FBXO11: variants seen among roughly 807,000 people sequenced by gnomAD.
FBXO11 encodes F-box only protein 11.
A neutral mutation model predicts 117.0 loss-of-function variants in FBXO11; 13 were observed. That is an observed-to-expected ratio of 0.11 (90% CI 0.07 to 0.18). The LOEUF (loss-of-function observed/expected upper bound fraction) is 0.18, where lower values mean the gene tolerates loss of function less well. FBXO11 is among the 10% of genes least tolerant of loss of function. The pLI is 1.00. For synonymous variants in FBXO11, 490 were observed against 380.5 expected, an observed-to-expected ratio of 1.29 and a Z score of -3.35; for missense variants, 767 against 1,164.4, an observed-to-expected ratio of 0.66 and a Z score of 4.97.
chr2:47,888,681 T>C, intron 1 of FBXO11: 1 of 983,978 alleles, frequency 1.0e-6, no homozygotes, highest in Non-Finnish European at 1.2e-6. Context: ...AGACAGTTTT[T>C]CAGCCATTGC....
chr2:47,857,079 C>T (rs889990633), intron 1 of FBXO11, among the ~76,000 whole-genome samples: 1 of 152,308 alleles, frequency 6.6e-6, no homozygotes, highest in Admixed American at 6.5e-5. Flanking sequence ...AACTCATCTA[C>T]TTTAGTCAAA....
chr2:47,848,113 G>C (rs1673561120), intron 1 of FBXO11, among the ~76,000 whole-genome samples: 1 of 151,096 alleles, frequency 6.6e-6, no homozygotes, highest in South Asian at 2.1e-4. Flanking sequence ...GACAGAGCGA[G>C]ACCCCATCTC....
chr2:47,851,989 A>ATTT (rs1191001581), intron 1 of FBXO11, among the ~76,000 whole-genome samples: 7,926 of 132,740 alleles, frequency 0.06, 337 homozygotes, highest in Non-Finnish European at 0.096. Flanking sequence ...CAAGCAACCA[A>ATTT]TTTTTTTTTT....
chr2:47,813,944 G>A (rs760953955), intron 16 of FBXO11, 77 bp from the exon 17 acceptor site: 7 of 1,094,918 alleles, frequency 6.4e-6, no homozygotes, highest in Non-Finnish European at 9.7e-6. Flanking sequence ...GGTAAACAGT[G>A]GAGAAATCCA....
intron 3 of FBXO11, 60 bp from the exon 4 acceptor site, chr2:47,839,063 AAC>A (rs939605148): frequency 2.1e-5 from 32 of 1,521,350 alleles, no homozygotes; most frequent in African/African-American, 1.5e-4. Context: ...TTATTTAAAG[AAC>A]ACAGTTTTCA....
chr2:47,818,975 C>T lies in FBXO11; in HGVS notation c.1901G>A (p.Arg634Gln). The change falls in exon 15 of 23, where the codon CGG (arginine) becomes CAG (glutamine). Residue 634 changes from arginine to glutamine, a missense_variant. Transcript: ENST00000403359. ...TCCTACCTGCTTGCCACTGTGTATC[C>T]GGTTTCTTCTCAGTACTGGAGTGCT... Reference protein sequence around the residue: ...TGSTPVLRRNRIHSGKQVGVY... With the variant: ...TGSTPVLRRNQIHSGKQVGVY... 6.2e-7 allele frequency: 1 copy of T among 1,613,936 alleles called. No individual in the cohort carries two copies. Among genetic ancestry groups the T allele is most frequent in the Non-Finnish European group, 8.5e-7 (1 of 1,180,000 alleles).
intron 11 of FBXO11, among the ~76,000 whole-genome samples, chr2:47,830,756 G>C (rs1672119297): frequency 6.6e-6 from 1 of 152,150 alleles, no homozygotes; most frequent in South Asian, 2.1e-4. Context: ...TTACTATGGT[G>C]AACTTTAATA....
At chr2:47,866,498 G>T (rs1209099380) in intron 1 of FBXO11, among the ~76,000 whole-genome samples, 2 of 149,730 alleles carry the variant, frequency 1.3e-5, no homozygotes, top group African/African-American at 2.5e-5. Context: ...CTTTTGAGAC[G>T]GAGTCTTGCT....
chr2:47,822,575 A>T lies in FBXO11; in HGVS notation c.1617-272T>A, dbSNP rs564096155. On this transcript the variant is annotated intron_variant, in intron 12 of 22. Transcript: ENST00000403359. ...TAGAAACATTTGATGACTATTAACAAGATGGAAATCCCAAAATCTACTTCC... is the reference window on the plus strand; with the variant it reads ...TAGAAACATTTGATGACTATTAACATGATGGAAATCCCAAAATCTACTTCC... Among the ~76,000 whole-genome samples, 6 of 152,374 alleles carry T rather than the reference A, an allele frequency of 3.9e-5. No individual in the cohort carries two copies. In the South Asian group the frequency reaches 8.3e-4, roughly 21 times the overall value.
chr2:47,838,731 A>AT, intron 4 of FBXO11, 128 bp downstream of exon 4: 1 of 751,064 alleles, frequency 1.3e-6, no homozygotes, highest in Non-Finnish European at 2.1e-6. Flanking sequence ...CTTGGAATTG[A>AT]TAAGCATTTT....
chr2:47,814,004 TGAG>T lies in FBXO11; in HGVS notation c.2007-140_2007-138del, dbSNP rs940351931. 105 of 636,608 alleles carry T rather than the reference TGAG, an allele frequency of 1.6e-4. No individual in the cohort carries two copies. The Admixed American group carries it at 2.0e-3, about 12-fold the overall frequency. 39.4% of individuals were successfully genotyped at this position (636,608 alleles called of 1,614,324 possible). ...CTATACAATGGAGTCCAAGATGCCC[TGAG>T]AAGAAAGTGGTTTAATTTTGCTTAA... On this transcript the variant is annotated intron_variant, in intron 16 of 22. Transcript: ENST00000403359.
chr2:47,849,149 T>C (rs60118201), intron 1 of FBXO11, among the ~76,000 whole-genome samples: 8,725 of 144,126 alleles, frequency 0.061, 270 homozygotes, highest in Non-Finnish European at 0.072. Flanking sequence ...AGCTTTTCTC[T>C]AACTGCTAAA....
At chr2:47,893,375 T>C (rs866865732) in intron 1 of FBXO11, among the ~76,000 whole-genome samples, 1 of 152,010 alleles carries the variant, frequency 6.6e-6, no homozygotes, top group Non-Finnish European at 1.5e-5. Flanking sequence ...TATACACACA[T>C]ACTGGAGATA....
intron 1 of FBXO11, among the ~76,000 whole-genome samples, chr2:47,853,402 C>T (rs1003655462): frequency 2.6e-5 from 4 of 152,254 alleles, no homozygotes; most frequent in Middle Eastern, 3.4e-3. Flanking sequence ...AATACTTTTA[C>T]ATGTCATATT....
rs376100943 is a variant in FBXO11, at chr2:47,861,988, C to CTATG, written c.233-22223_233-22220dup. Among the ~76,000 whole-genome samples, 852 of 152,054 alleles carry CTATG rather than the reference C, an allele frequency of 5.6e-3. 4 individuals are homozygous for CTATG. Among genetic ancestry groups the CTATG allele is most frequent in the African/African-American group, 0.02 (819 of 41,478 alleles). ...AGTGCAGTGGCACAGTCTCAGCTCA[C>CTATG]TATGACCTCTGCCTCCCAGGTTCAG... is the stretch of plus-strand genomic sequence containing the variant. On this transcript the variant is annotated intron_variant, in intron 1 of 22. Transcript: ENST00000403359.
At chr2:47,861,767 C>G (rs897317877) in intron 1 of FBXO11, among the ~76,000 whole-genome samples, 1 of 152,064 alleles carries the variant, frequency 6.6e-6, no homozygotes, top group Non-Finnish European at 1.5e-5. Context: ...ACAAGGATGA[C>G]GGATGCATTA....
chr2:47,820,745 G>C (rs1184467807), intron 13 of FBXO11, among the ~76,000 whole-genome samples: 2 of 152,180 alleles, frequency 1.3e-5, no homozygotes, highest in Admixed American at 1.3e-4. Context: ...ATACTGATCA[G>C]TAAGTATCTT....
At chr2:47,839,288 G>C (rs765311723) in intron 3 of FBXO11, 131 bp downstream of exon 3, 7 of 878,022 alleles carry the variant, frequency 8.0e-6, no homozygotes, top group Non-Finnish European at 8.6e-6. Context: ...GGGTTCTAAA[G>C]TTTATTCTGT....
intron 1 of FBXO11, among the ~76,000 whole-genome samples, chr2:47,894,936 T>A (rs890760370): frequency 1.3e-5 from 2 of 152,146 alleles, no homozygotes; most frequent in Non-Finnish European, 2.9e-5. Context: ...AAGACTGAAC[T>A]GTTAAAGGAT....
Sources: allele counts gnomAD v4.1 joint callset (sites outside exome capture counted in the v4.1 genomes callset), GRCh38; gene constraint gnomAD v4.1.1; transcripts MANE v1.5; gene names NCBI Gene and HGNC (gene_info 2026-07-23, HGNC 2026-07-21).